CACNA2D3: variants seen among roughly 807,000 people sequenced by gnomAD.
CACNA2D3 encodes the protein voltage-dependent calcium channel subunit alpha-2/delta-3.
Under a neutral mutation model 160.6 loss-of-function variants are expected in CACNA2D3, and 60 were observed. That is an observed-to-expected ratio of 0.37 (90% CI 0.30 to 0.46). The LOEUF (loss-of-function observed/expected upper bound fraction) is 0.46, where lower values mean the gene tolerates loss of function less well. CACNA2D3 is among the 20% of genes least tolerant of loss of function. The pLI, the probability that CACNA2D3 is intolerant of heterozygous loss-of-function variation, is 1.00. For synonymous variants in CACNA2D3, 558 were observed against 492.9 expected, an observed-to-expected ratio of 1.13 and a Z score of -1.75; for missense variants, 1,205 against 1,365.0, an observed-to-expected ratio of 0.88 and a Z score of 1.85.
intron 2 of CACNA2D3, among the ~76,000 whole-genome samples, chr3:54,200,797 C>A (rs775281211): frequency 6.6e-6 from 1 of 152,146 alleles, no homozygotes; most frequent in Non-Finnish European, 1.5e-5. Flanking sequence ...ATTATATTGA[C>A]CCTGTAGACT....
intron 27 of CACNA2D3, among the ~76,000 whole-genome samples, chr3:54,941,236 A>G (rs546155680): frequency 8.5e-5 from 13 of 152,334 alleles, no homozygotes; most frequent in Non-Finnish European, 1.3e-4. Context: ...AAAAGTAAAA[A>G]AACAGGGGCA....
In CACNA2D3 at chr3:54,885,501, C is replaced by T. The variant is rs1699902286; in HGVS notation, c.1971C>T (p.Asn657=). ...GTCATGTTCTTAGGTCCTACTGCAA[C>T]ACTGACCTACACCCTGAGCACCGCC... ...VSLADEWSYC[N]TDLHPEHRHL... The change falls in exon 23 of 38, where the codon AAC becomes AAT. Residue 657 remains asparagine (N), a synonymous_variant. Coordinates refer to ENST00000474759, the MANE Select transcript of CACNA2D3 (RefSeq NM_018398.3). 6.2e-7 allele frequency: 1 copy of T among 1,613,542 alleles called. No homozygotes were observed. The highest frequency in any genetic ancestry group is 8.5e-7 in the Non-Finnish European group (1 of 1,179,574).
intron 11 of CACNA2D3, among the ~76,000 whole-genome samples, chr3:54,716,660 G>A (rs948509049): frequency 5.3e-5 from 8 of 152,102 alleles, no homozygotes; most frequent in Non-Finnish European, 1.2e-4. Context: ...GGCCCCTGTC[G>A]AGACATGAGA....
intron 2 of CACNA2D3, among the ~76,000 whole-genome samples, chr3:54,247,191 T>A (rs1360267525): frequency 3.9e-5 from 6 of 152,204 alleles, no homozygotes; most frequent in African/African-American, 1.2e-4. Context: ...ATGCCTGTAA[T>A]CCCAGTTACT....
chr3:54,731,899 G>A (rs564403106), intron 11 of CACNA2D3, among the ~76,000 whole-genome samples: 21 of 152,110 alleles, frequency 1.4e-4, no homozygotes, highest in Non-Finnish European at 2.2e-4. Flanking sequence ...GCATCACCGT[G>A]TAATTGAAAC....
At chr3:54,230,487 G>A (rs1383703721) in intron 2 of CACNA2D3, among the ~76,000 whole-genome samples, 1 of 152,108 alleles carries the variant, frequency 6.6e-6, no homozygotes, top group Non-Finnish European at 1.5e-5. Context: ...AGATAATTTC[G>A]AAGAGAATAA....
At chr3:54,900,392 T>G (rs1201576596) in intron 27 of CACNA2D3, among the ~76,000 whole-genome samples, 1 of 152,224 alleles carries the variant, frequency 6.6e-6, no homozygotes, top group Admixed American at 6.5e-5. Context: ...CTGAGAGTCT[T>G]GAATTGTCAA....
At chr3:54,170,701 C>T (rs1427474051) in intron 2 of CACNA2D3, among the ~76,000 whole-genome samples, 10 of 152,126 alleles carry the variant, frequency 6.6e-5, no homozygotes, top group South Asian at 4.2e-4. Flanking sequence ...GTAAACCCTT[C>T]TTCTGTTGGA....
intron 10 of CACNA2D3, among the ~76,000 whole-genome samples, chr3:54,631,077 G>A (rs963984136): frequency 2.0e-5 from 3 of 151,958 alleles, no homozygotes; most frequent in Admixed American, 6.6e-5. Flanking sequence ...GGTGGTAGGC[G>A]CCTGTAATCC....
intron 9 of CACNA2D3, among the ~76,000 whole-genome samples, chr3:54,586,262 CA>C (rs34992866): frequency 0.34 from 34,047 of 100,422 alleles, 3,384 homozygotes; most frequent in Admixed American, 0.44. Flanking sequence ...AGATCCATCT[CA>C]AAAAAAAAAA....
intron 32 of CACNA2D3, 44 bp downstream of exon 32, chr3:55,004,882 T>C (rs1004379055): frequency 7.5e-7 from 1 of 1,333,720 alleles, no homozygotes; most frequent in Non-Finnish European, 1.1e-6. Flanking sequence ...CACATTTCTG[T>C]CTTTCTCCCT....
At chr3:54,671,885 C>G (rs1430908140) in intron 11 of CACNA2D3, among the ~76,000 whole-genome samples, 5 of 152,336 alleles carry the variant, frequency 3.3e-5, no homozygotes, top group Middle Eastern at 6.8e-3. Flanking sequence ...CTGCCCCCAT[C>G]TGCCCCTGCA....
rs546872141 is a variant in CACNA2D3, at chr3:54,750,316, C to T, written c.1168-2283C>T. Among the ~76,000 whole-genome samples, 377 of 152,304 alleles carry T rather than the reference C, an allele frequency of 2.5e-3. 3 individuals carry two copies. Among genetic ancestry groups the T allele is most frequent in the African/African-American group, 8.7e-3 (361 of 41,574 alleles). The stretch of plus-strand genomic sequence containing the variant: ...CATAGCTTCATTTCCTCAGAGGCAT[C>T]TCTTAGGCTTCTTGCTTGCCAAGGA... On this transcript the variant is annotated intron_variant, in intron 11 of 37. Coordinates refer to ENST00000474759, the MANE Select transcript of CACNA2D3 (RefSeq NM_018398.3).
At chr3:55,018,088 A>T in intron 34 of CACNA2D3, 118 bp from the exon 35 acceptor site, 1 of 667,928 alleles carries the variant, frequency 1.5e-6, no homozygotes, top group Admixed American at 2.3e-5. Context: ...ATGCTGTGCT[A>T]GAAAAATCAC....
intron 9 of CACNA2D3, among the ~76,000 whole-genome samples, chr3:54,612,300 TTGAC>T (rs1181565135): frequency 6.6e-6 from 1 of 152,338 alleles, no homozygotes; most frequent in Non-Finnish European, 1.5e-5. Context: ...CTTCTCCTGA[TTGAC>T]TGAGGAAACC....
intron 5 of CACNA2D3, among the ~76,000 whole-genome samples, chr3:54,546,496 T>G (rs1198650011): frequency 6.6e-6 from 1 of 152,182 alleles, no homozygotes; most frequent in African/African-American, 2.4e-5. Flanking sequence ...TAAAACACTT[T>G]GGAGGGCTGG....
At chr3:54,262,434 G>A (rs993815543) in intron 2 of CACNA2D3, among the ~76,000 whole-genome samples, 1 of 152,130 alleles carries the variant, frequency 6.6e-6, no homozygotes, top group Non-Finnish European at 1.5e-5. Context: ...TCGAAGGCAG[G>A]CATTTATTCC....
chr3:54,503,906 T>C (rs1199425630), intron 5 of CACNA2D3, among the ~76,000 whole-genome samples: 3 of 152,170 alleles, frequency 2.0e-5, no homozygotes, highest in South Asian at 4.1e-4. Context: ...GGGTTGGCAG[T>C]TTCTATAAAG....
At chr3:54,514,664 A>G (rs1366393249) in intron 5 of CACNA2D3, among the ~76,000 whole-genome samples, 3 of 152,084 alleles carry the variant, frequency 2.0e-5, no homozygotes, top group Non-Finnish European at 2.9e-5. Flanking sequence ...TGTATCCCAC[A>G]GCAGCTCAGC....
Sources: allele counts gnomAD v4.1 joint callset (sites outside exome capture counted in the v4.1 genomes callset), GRCh38; gene constraint gnomAD v4.1.1; transcripts MANE v1.5; gene names NCBI Gene and HGNC (gene_info 2026-07-23, HGNC 2026-07-21).